The following ADGRL4 variants were observed in gnomAD, a reference collection of about 807,000 sequenced individuals.
The protein encoded by ADGRL4 is adhesion G protein-coupled receptor L4.
Under a neutral mutation model 74.8 loss-of-function variants are expected in ADGRL4, and 90 were observed. That is an observed-to-expected ratio of 1.20 (90% CI 1.02 to 1.43). ADGRL4 has a LOEUF of 1.43. ADGRL4 is among the 40% of genes most tolerant of loss of function. The pLI is 0.00. For synonymous variants in ADGRL4, 311 were observed against 279.2 expected (o/e 1.11, Z -1.14); for missense variants, 881 against 814.3 (o/e 1.08, Z -1.00).
intron 2 of ADGRL4, among the ~76,000 whole-genome samples, chr1:78,962,179 C>A (rs1190889028): frequency 6.6e-6 from 1 of 152,116 alleles, no homozygotes; most frequent in Non-Finnish European, 1.5e-5. Context: ...CCGGGCCCGG[C>A]CTTCCAGGCT....
chr1:78,894,590 T>C (rs376868848), intron 12 of ADGRL4, among the ~76,000 whole-genome samples: 3 of 151,876 alleles, frequency 2.0e-5, no homozygotes, highest in Non-Finnish European at 1.5e-5. Context: ...CTTAGTATTT[T>C]CTAGATTTCA....
At chr1:78,949,894 T>C (rs1393122639) in intron 2 of ADGRL4, among the ~76,000 whole-genome samples, 2 of 152,050 alleles carry the variant, frequency 1.3e-5, no homozygotes, top group African/African-American at 2.4e-5. Flanking sequence ...TAAGGAAAAA[T>C]ATTTGGTATT....
chr1:78,924,529 G>A (rs949173140), intron 8 of ADGRL4, among the ~76,000 whole-genome samples: 1 of 151,996 alleles, frequency 6.6e-6, no homozygotes, highest in Non-Finnish European at 1.5e-5. Flanking sequence ...TGACCCAGGG[G>A]TAGATCATCT....
chr1:78,980,140 C>T (rs942178522), intron 2 of ADGRL4, among the ~76,000 whole-genome samples: 1 of 151,748 alleles, frequency 6.6e-6, no homozygotes, highest in Non-Finnish European at 1.5e-5. Flanking sequence ...GTGCTGCACT[C>T]ACACGCAGAT....
At chr1:78,997,008 G>A (rs1258284076) in intron 2 of ADGRL4, among the ~76,000 whole-genome samples, 2 of 152,112 alleles carry the variant, frequency 1.3e-5, no homozygotes, top group Non-Finnish European at 2.9e-5. Flanking sequence ...CTGCAACAAT[G>A]ATTAGCAGGT....
At chr1:78,893,058 C>CA (rs10640737) in intron 13 of ADGRL4, 40 bp downstream of exon 13, 174,410 of 836,010 alleles carry the variant, frequency 0.21, 2,315 homozygotes, top group East Asian at 0.28. Context: ...TTTTAATTAC[C>CA]AAAAAAAAAA....
chr1:78,936,442 G>A (rs1031918848), intron 6 of ADGRL4, 31 bp from the exon 7 acceptor site: 3 of 1,520,202 alleles, frequency 2.0e-6, no homozygotes, highest in African/African-American at 2.8e-5. Context: ...TAAAAAAAGT[G>A]AAATTACTTT....
chr1:78,914,508 G>C (rs1224930169), intron 12 of ADGRL4, among the ~76,000 whole-genome samples: 1 of 151,770 alleles, frequency 6.6e-6, no homozygotes, highest in Non-Finnish European at 1.5e-5. Flanking sequence ...TCCCCAAAAT[G>C]GCAAGTGGTG....
At chr1:78,976,726 T>C (rs1422749409) in intron 2 of ADGRL4, among the ~76,000 whole-genome samples, 1 of 151,466 alleles carries the variant, frequency 6.6e-6, no homozygotes, top group African/African-American at 2.4e-5. Flanking sequence ...TCAAAGCTTG[T>C]TCAGGAAGAA....
In ADGRL4 at chr1:78,936,336, A is replaced by G. The variant is rs769869012; in HGVS notation, c.836T>C (p.Ile279Thr). The G allele has an allele frequency of 1.3e-6, 2 of 1,595,680 alleles. No homozygotes were observed. The highest frequency in any genetic ancestry group is 1.1e-5 in the South Asian group (1 of 87,778). ...AGCTTTTCTCTTTGGAAATATATTTATGTAGTCTCCATCCATATTCATATG... is the reference window on the plus strand; with the variant it reads ...AGCTTTTCTCTTTGGAAATATATTTGTGTAGTCTCCATCCATATTCATATG... ...HPHMNMDGDY[I>T]NIFPKRKAAY... The change falls in exon 7 of 15, where the codon ATA becomes ACA. Residue 279 changes from isoleucine (I) to threonine (T), a missense_variant. Transcript: ENST00000370742.
At chr1:78,950,785 G>A (rs1210625629) in intron 2 of ADGRL4, among the ~76,000 whole-genome samples, 1 of 152,076 alleles carries the variant, frequency 6.6e-6, no homozygotes, top group African/African-American at 2.4e-5. Flanking sequence ...CTGAAGAGAG[G>A]GGAGCAGCAA....
intron 2 of ADGRL4, among the ~76,000 whole-genome samples, chr1:78,956,555 C>G (rs935065206): frequency 6.6e-6 from 1 of 152,176 alleles, no homozygotes; most frequent in East Asian, 1.9e-4. Context: ...GCCTAACACT[C>G]ATTTTGCAAA....
chr1:78,991,880 T>C (rs1025103268), intron 2 of ADGRL4, among the ~76,000 whole-genome samples: 2 of 152,052 alleles, frequency 1.3e-5, no homozygotes, highest in African/African-American at 2.4e-5. Context: ...CAAGTATGTA[T>C]GGTTCCTTTA....
chr1:78,954,254 A>G (rs557479049), intron 2 of ADGRL4, among the ~76,000 whole-genome samples: 93 of 152,292 alleles, frequency 6.1e-4, no homozygotes, highest in African/African-American at 2.1e-3. Flanking sequence ...CAAGTAAAAC[A>G]CACTGGAAAA....
chr1:79,006,158 C>G (rs1650958455), intron 1 of ADGRL4, among the ~76,000 whole-genome samples: 1 of 152,148 alleles, frequency 6.6e-6, no homozygotes, highest in Non-Finnish European at 1.5e-5. Flanking sequence ...TATCAGGTAC[C>G]AAGAGATTCT....
intron 2 of ADGRL4, among the ~76,000 whole-genome samples, chr1:79,000,138 C>G (rs6691602): frequency 0.22 from 33,188 of 151,862 alleles, 3,682 homozygotes; most frequent in East Asian, 0.34. Flanking sequence ...TTTTCTGGTT[C>G]TAAATATTCA....
At chr1:78,899,878 C>T (rs1033871418) in intron 12 of ADGRL4, among the ~76,000 whole-genome samples, 6 of 151,720 alleles carry the variant, frequency 4.0e-5, no homozygotes, top group African/African-American at 1.5e-4. Context: ...ATGGCTCCCC[C>T]TCCAAAAAAA....
chr1:78,926,814 T>C (rs888971948), intron 8 of ADGRL4, 72 bp downstream of exon 8: 30 of 1,080,628 alleles, frequency 2.8e-5, no homozygotes, highest in Non-Finnish European at 3.6e-5. Context: ...ATAATTTAAG[T>C]GACACAACAA....
At chr1:78,942,157 G>C (rs1649498575) in intron 3 of ADGRL4, among the ~76,000 whole-genome samples, 1 of 115,112 alleles carries the variant, frequency 8.7e-6, no homozygotes, top group African/African-American at 3.4e-5. Context: ...CTGGGTGACA[G>C]AGCGAGACTC....
Sources: allele counts gnomAD v4.1 joint callset (sites outside exome capture counted in the v4.1 genomes callset), GRCh38; gene constraint gnomAD v4.1.1; transcripts MANE v1.5; gene names NCBI Gene and HGNC (gene_info 2026-07-23, HGNC 2026-07-21).